The following IQCJ variants were observed in gnomAD, a reference collection of about 807,000 sequenced individuals.
IQCJ encodes IQ domain-containing protein J.
A neutral mutation model predicts 11.0 loss-of-function variants in IQCJ; 9 were observed. The ratio of observed to expected loss-of-function variants is 0.82; its 90% CI spans 0.49 to 1.43. The LOEUF (loss-of-function observed/expected upper bound fraction) is 1.43. IQCJ is among the 40% of genes most tolerant of loss of function. The probability of loss-of-function intolerance (pLI) is 0.00; values close to 1 mark genes in which losing one functional copy is unlikely to be tolerated. For missense variants in IQCJ, 146 were observed against 133.2 expected (o/e 1.10, Z -0.47); for synonymous variants, 55 against 51.3 (o/e 1.07, Z -0.31).
intron 1 of IQCJ, among the ~76,000 whole-genome samples, chr3:159,173,310 A>G (rs1456072252): frequency 1.3e-5 from 2 of 152,186 alleles, no homozygotes; most frequent in Non-Finnish European, 2.9e-5. Context: ...ACACTGATAC[A>G]ATGTTCAGAA....
At chr3:159,264,784 C>A (rs917700745), downstream of IQCJ, among the ~76,000 whole-genome samples, 5 of 151,926 alleles carry the variant, frequency 3.3e-5, no homozygotes, top group African/African-American at 1.2e-4. Flanking sequence ...TGGTGGCATG[C>A]ACCTGTAATC....
At chr3:159,247,383 C>T (rs143677064) in intron 2 of IQCJ, among the ~76,000 whole-genome samples, 1,891 of 152,298 alleles carry the variant, frequency 0.012, 16 homozygotes, top group Non-Finnish European at 0.019. Flanking sequence ...GTGTGAGCCA[C>T]CGCGCCGGTC....
intron 2 of IQCJ, among the ~76,000 whole-genome samples, chr3:159,250,817 T>C (rs1727552538): frequency 1.3e-5 from 2 of 152,224 alleles, no homozygotes; most frequent in Admixed American, 1.3e-4. Context: ...TATCACTTTC[T>C]ATGCCCACCT....
At chr3:159,109,663 G>T (rs931561279) in intron 1 of IQCJ, among the ~76,000 whole-genome samples, 2 of 151,992 alleles carry the variant, frequency 1.3e-5, no homozygotes, top group African/African-American at 4.8e-5. Context: ...GTGTGGGTGT[G>T]TGGGTGTGTG....
chr3:159,129,259 G>A (rs1719854173), intron 1 of IQCJ, among the ~76,000 whole-genome samples: 1 of 152,036 alleles, frequency 6.6e-6, no homozygotes. Flanking sequence ...ATGATAACAA[G>A]TCTACACCAA....
intron 1 of IQCJ, among the ~76,000 whole-genome samples, chr3:159,205,770 G>A (rs917137535): frequency 6.6e-6 from 1 of 152,172 alleles, no homozygotes; most frequent in African/African-American, 2.4e-5. Context: ...GTGACATCCA[G>A]GAATTAGGAT....
At chr3:159,114,647 C>T (rs56213634) in intron 1 of IQCJ, among the ~76,000 whole-genome samples, 40,253 of 151,940 alleles carry the variant, frequency 0.26, 6,207 homozygotes, top group South Asian at 0.41. Flanking sequence ...GGGCGAAATT[C>T]GGAACTCCCT....
At chr3:159,112,665 G>A (rs909409608) in intron 1 of IQCJ, among the ~76,000 whole-genome samples, 4 of 152,122 alleles carry the variant, frequency 2.6e-5, no homozygotes, top group Non-Finnish European at 4.4e-5. Context: ...GCTGACCGTA[G>A]CCTCGCACAC....
At chr3:159,144,555 G>T (rs1214412715) in intron 1 of IQCJ, among the ~76,000 whole-genome samples, 1 of 152,084 alleles carries the variant, frequency 6.6e-6, no homozygotes, top group African/African-American at 2.4e-5. Flanking sequence ...GCTGGCTGAA[G>T]GATTGAGCCA....
At chr3:159,085,473 G>C (rs547357332) in intron 1 of IQCJ, among the ~76,000 whole-genome samples, 82 of 151,574 alleles carry the variant, frequency 5.4e-4, no homozygotes, top group African/African-American at 1.8e-3. Context: ...TCTAGTTCTA[G>C]ATCCCTGAGG....
intron 1 of IQCJ, among the ~76,000 whole-genome samples, chr3:159,225,606 T>C (rs143069882): frequency 1.8e-4 from 28 of 152,316 alleles, no homozygotes; most frequent in Non-Finnish European, 2.9e-4. Flanking sequence ...TGGTATACTA[T>C]TAAAGAATAA....
At chr3:159,258,061 C>A (rs1322776526) in intron 3 of IQCJ, among the ~76,000 whole-genome samples, 1 of 152,144 alleles carries the variant, frequency 6.6e-6, no homozygotes, top group African/African-American at 2.4e-5. Context: ...GTCTAACGTG[C>A]TTTAAGCACA....
chr3:159,180,647 T>G (rs1310485874), intron 1 of IQCJ, among the ~76,000 whole-genome samples: 1 of 151,938 alleles, frequency 6.6e-6, no homozygotes, highest in Non-Finnish European at 1.5e-5. Flanking sequence ...CTAATAAATA[T>G]AGATTCTAAA....
At chr3:159,242,234 G>C (rs558473069) in intron 1 of IQCJ, among the ~76,000 whole-genome samples, 8 of 152,292 alleles carry the variant, frequency 5.3e-5, no homozygotes, top group African/African-American at 1.9e-4. Flanking sequence ...CCATGGTGAT[G>C]AGTTTGGATT....
intron 1 of IQCJ, among the ~76,000 whole-genome samples, chr3:159,173,837 T>C (rs1340873887): frequency 5.3e-5 from 8 of 152,184 alleles, no homozygotes. Context: ...TTTGTTCTTG[T>C]TGCATGTCTT....
chr3:159,212,250 G>A (rs779802116), intron 1 of IQCJ, among the ~76,000 whole-genome samples: 24 of 152,036 alleles, frequency 1.6e-4, no homozygotes, highest in Non-Finnish European at 3.1e-4. Context: ...ATGGCTTTAA[G>A]CATGAACTTT....
At position 159,078,833 on chromosome 3, in the gene IQCJ, A is replaced by G. The variant is rs763265076; in HGVS notation, c.9+9392A>G. ...TCTTGGGCAAACTGTTTCCTCATCT[A>G]TAAAATGAGGATAATGATAGCTTTA... On this transcript the variant is annotated intron_variant, in intron 1 of 3. Transcript: ENST00000397832. Among the ~76,000 whole-genome samples, 38 of 152,094 alleles carry G rather than the reference A, an allele frequency of 2.5e-4. 1 individual carries two copies. The highest frequency in any genetic ancestry group is 4.0e-4 in the Non-Finnish European group (27 of 68,004).
At chr3:159,117,942 T>C (rs1719124414) in intron 1 of IQCJ, among the ~76,000 whole-genome samples, 1 of 152,198 alleles carries the variant, frequency 6.6e-6, no homozygotes, top group Non-Finnish European at 1.5e-5. Flanking sequence ...AATTACTCCG[T>C]GATGCGCCTT....
At chr3:159,265,145 A>G, downstream of IQCJ, 2 of 1,342,534 alleles carry the variant, frequency 1.5e-6, no homozygotes, top group Admixed American at 2.1e-5. Context: ...TCACAGTTTA[A>G]AAGAAAACTT....
Sources: gnomAD v4.1 joint callset for allele counts (sites outside exome capture counted in the v4.1 genomes callset) on GRCh38, gnomAD v4.1.1 for gene constraint, MANE v1.5 for transcripts, NCBI Gene and HGNC (gene_info 2026-07-23, HGNC 2026-07-21) for gene names.